PCDHA1: variants seen among roughly 807,000 people sequenced by gnomAD.
PCDHA1 encodes protocadherin alpha-1.
PCDHA1 carries 42 observed loss-of-function variants against 61.3 expected under a neutral mutation model. That is an observed-to-expected ratio of 0.69 (90% CI 0.54 to 0.89). PCDHA1 has a LOEUF of 0.89. PCDHA1 is among the 40% of genes least tolerant of loss of function. The pLI is 0.00. For synonymous variants in PCDHA1, 610 were observed against 553.8 expected, an observed-to-expected ratio of 1.10 and a Z score of -1.43; for missense variants, 1,256 against 1,235.3, an observed-to-expected ratio of 1.02 and a Z score of -0.25.
At chr5:140,836,689 T>C in intron 1 of PCDHA1, 1 of 1,613,456 alleles carries the variant, frequency 6.2e-7, no homozygotes. Flanking sequence ...AAGACAGACC[T>C]CATGGCCTTC....
chr5:140,893,519 C>T (rs1199543838), intron 1 of PCDHA1, among the ~76,000 whole-genome samples: 1 of 152,084 alleles, frequency 6.6e-6, no homozygotes, highest in African/African-American at 2.4e-5. Flanking sequence ...AGTTGTAGAA[C>T]TCCTTTAAGT....
At chr5:140,826,767 G>A (rs2150145358) in intron 1 of PCDHA1, among the ~76,000 whole-genome samples, 1 of 152,140 alleles carries the variant, frequency 6.6e-6, no homozygotes, top group Non-Finnish European at 1.5e-5. Flanking sequence ...ATATTGGAGA[G>A]TAATTGAAAA....
intron 1 of PCDHA1, among the ~76,000 whole-genome samples, chr5:140,970,530 T>C (rs1554232541): frequency 6.6e-6 from 1 of 151,424 alleles, no homozygotes; most frequent in Non-Finnish European, 1.5e-5. Context: ...GATGAATATG[T>C]GTGTGTGTTT....
Position 140,823,224 on chromosome 5 carries a change from G to T in PCDHA1, c.2394+34540G>T, listed in dbSNP as rs2150123702. 6 of 1,613,550 alleles carry T rather than the reference G, an allele frequency of 3.7e-6. No homozygotes were observed. The Admixed American group carries it at 6.7e-5, about 18-fold the overall frequency. On this transcript the variant is annotated intron_variant, in intron 1 of 3. Coordinates refer to ENST00000504120, the MANE Select transcript of PCDHA1 (RefSeq NM_018900.4). Reference sequence around the variant, plus strand: ...CGGTGTCTGCACGGGACGCGGACGCGCAGGAGAACGCCCTGGTGTCCTACT... The same window carrying T: ...CGGTGTCTGCACGGGACGCGGACGCTCAGGAGAACGCCCTGGTGTCCTACT...
chr5:140,898,414 C>T (rs1554187972), intron 1 of PCDHA1, among the ~76,000 whole-genome samples: 1 of 152,170 alleles, frequency 6.6e-6, no homozygotes, highest in Non-Finnish European at 1.5e-5. Flanking sequence ...ATACGGCTAG[C>T]CAGTTTTCCC....
At chr5:141,005,953 A>G (rs1036085493) in intron 3 of PCDHA1, among the ~76,000 whole-genome samples, 1 of 152,052 alleles carries the variant, frequency 6.6e-6, no homozygotes, top group Non-Finnish European at 1.5e-5. Context: ...TCTCTAACAA[A>G]CAACAATAAA....
intron 3 of PCDHA1, among the ~76,000 whole-genome samples, chr5:141,001,278 C>A (rs182360019): frequency 6.6e-6 from 1 of 152,050 alleles, no homozygotes; most frequent in Non-Finnish European, 1.5e-5. Flanking sequence ...ACTTTTTTTA[C>A]GGATGAAAAC....
chr5:140,787,843 A>T lies in PCDHA1; in HGVS notation c.1553A>T (p.Tyr518Phe). 6.2e-7 allele frequency: 1 copy of T among 1,612,626 alleles called. No homozygotes were observed. Among genetic ancestry groups the T allele is most frequent in the Non-Finnish European group, 8.5e-7 (1 of 1,179,778 alleles). The change falls in exon 1 of 4, where the codon TAC becomes TTC. Residue 518 changes from tyrosine (Y) to phenylalanine (F), a missense_variant. Transcript: ENST00000504120. ...VSVHAESGKV[Y>F]ALQPLDHEEL... ...GTGCACGCGGAGAGCGGCAAGGTGTACGCACTGCAGCCCCTGGACCACGAG... is the reference window on the plus strand; with the variant it reads ...GTGCACGCGGAGAGCGGCAAGGTGTTCGCACTGCAGCCCCTGGACCACGAG...
rs1412963703 is a variant in PCDHA1, at chr5:140,852,839, T to C, written c.2394+64155T>C. 5.2e-6 allele frequency: 5 copies of C among 968,992 alleles called. 1 individual carries two copies. Among genetic ancestry groups the C allele is most frequent in the Non-Finnish European group, 6.2e-6 (5 of 802,288 alleles). The allele number at this position is 968,992 out of a possible 1,614,324, so 60.0% of individuals were successfully genotyped here. On this transcript the variant is annotated intron_variant, in intron 1 of 3. Coordinates refer to ENST00000504120, the MANE Select transcript of PCDHA1 (RefSeq NM_018900.4). Reference sequence around the variant, plus strand: ...CTAAGTCCTCCAGTCTCCTTAGAGCTAGTACTTACTAAGCATTTACTATGT... The same window carrying C: ...CTAAGTCCTCCAGTCTCCTTAGAGCCAGTACTTACTAAGCATTTACTATGT...
At chr5:140,956,174 C>T (rs1353306679) in intron 1 of PCDHA1, among the ~76,000 whole-genome samples, 1 of 152,154 alleles carries the variant, frequency 6.6e-6, no homozygotes. Context: ...GCCAGAACTT[C>T]CAATACTATG....
At chr5:140,841,748 T>C in intron 1 of PCDHA1, 6 of 1,613,846 alleles carry the variant, frequency 3.7e-6, no homozygotes, top group Non-Finnish European at 5.1e-6. Flanking sequence ...GCTGTTTGTT[T>C]CAGAATCCAG....
At chr5:140,842,504 T>C (rs1554139112) in intron 1 of PCDHA1, 9 of 1,613,696 alleles carry the variant, frequency 5.6e-6, no homozygotes, top group Non-Finnish European at 7.6e-6. Context: ...CCATGTCCCC[T>C]TCAAGCTGGT....
At chr5:140,803,087 G>T in intron 1 of PCDHA1, 1 of 1,613,906 alleles carries the variant, frequency 6.2e-7, no homozygotes, top group East Asian at 2.2e-5. Context: ...ACACGGGAGA[G>T]ATCAGCACGA....
chr5:140,919,821 T>C (rs944662452), intron 1 of PCDHA1, among the ~76,000 whole-genome samples: 1 of 152,230 alleles, frequency 6.6e-6, no homozygotes, highest in Non-Finnish European at 1.5e-5. Flanking sequence ...CAAAAATATA[T>C]GTCCACATAG....
chr5:140,898,389 G>A (rs1402524208), intron 1 of PCDHA1, among the ~76,000 whole-genome samples: 3 of 152,190 alleles, frequency 2.0e-5, no homozygotes, highest in Non-Finnish European at 4.4e-5. Flanking sequence ...AAGGGATCCA[G>A]TTTCAGCTTT....
At chr5:140,988,294 G>A (rs2097291713) in intron 3 of PCDHA1, among the ~76,000 whole-genome samples, 1 of 152,206 alleles carries the variant, frequency 6.6e-6, no homozygotes, top group South Asian at 2.1e-4. Context: ...TGACAGCCCA[G>A]GAGTGCCAGC....
At chr5:140,887,072 C>T (rs1270434147) in intron 1 of PCDHA1, among the ~76,000 whole-genome samples, 1 of 151,836 alleles carries the variant, frequency 6.6e-6, no homozygotes, top group African/African-American at 2.4e-5. Context: ...CAAATTCACT[C>T]AGCTTTTGTC....
chr5:140,893,312 A>C (rs2063923388), intron 1 of PCDHA1, among the ~76,000 whole-genome samples: 1 of 152,106 alleles, frequency 6.6e-6, no homozygotes, highest in Non-Finnish European at 1.5e-5. Context: ...TAGTTTTTTG[A>C]GGGACTCCCA....
At chr5:140,850,796 C>T (rs1344673921) in intron 1 of PCDHA1, 7 of 1,598,190 alleles carry the variant, frequency 4.4e-6, no homozygotes, top group African/African-American at 1.3e-5. Context: ...AGCAGAAGAC[C>T]GACCTCATGG....
Sources: allele counts gnomAD v4.1 joint callset (sites outside exome capture counted in the v4.1 genomes callset), GRCh38; gene constraint gnomAD v4.1.1; transcripts MANE v1.5; gene names NCBI Gene and HGNC (gene_info 2026-07-23, HGNC 2026-07-21).